The following ZNF469 variants were observed in gnomAD, a reference collection of about 807,000 sequenced individuals.
ZNF469 encodes the protein zinc finger protein 469.
In ZNF469, 1 loss-of-function variant was observed where a neutral mutation model predicts 1.0. The observed-to-expected ratio is 1.00, with a 90% CI of 0.35 to 4.73. The LOEUF is 4.73. Among genes scored for constraint, ZNF469 ranks in the 30% most tolerant of loss-of-function variants. ZNF469 has a pLI of 0.16. For missense variants in ZNF469, 6,100 were observed against 5,356.3 expected (o/e 1.14, Z -4.33); for synonymous variants, 2,703 against 2,363.4 (o/e 1.14, Z -4.17).
the ZNF469 span, among the ~76,000 whole-genome samples, chr16:88,116,174 G>T: frequency 6.6e-6 from 1 of 152,232 alleles, no homozygotes; most frequent in Non-Finnish European, 1.5e-5. Context: ...AGATGTGGGG[G>T]GTGCTCTTCC....
chr16:88,229,638 T>TGTGGATGTAACAC, the ZNF469 span, among the ~76,000 whole-genome samples: 20 of 133,164 alleles, frequency 1.5e-4, no homozygotes, highest in African/African-American at 3.6e-4. Context: ...GGATGTCACG[T>TGTGGATGTAACAC]GTGTGTGCTG....
the ZNF469 span, among the ~76,000 whole-genome samples, chr16:88,120,413 G>A: frequency 6.6e-6 from 1 of 152,260 alleles, no homozygotes; most frequent in Non-Finnish European, 1.5e-5. Flanking sequence ...TCGGGCCGGC[G>A]GGACGCATTA....
At chr16:88,195,573 C>T in the ZNF469 span, among the ~76,000 whole-genome samples, 61 of 152,072 alleles carry the variant, frequency 4.0e-4, no homozygotes, top group Non-Finnish European at 7.8e-4. Context: ...GAAAGTTGGA[C>T]GTGTCTTGGG....
the ZNF469 span, among the ~76,000 whole-genome samples, chr16:88,123,884 A>G: frequency 6.6e-6 from 1 of 151,876 alleles, no homozygotes; most frequent in African/African-American, 2.4e-5. Flanking sequence ...GCTAACTGCA[A>G]ACTCCGTCTC....
At chr16:88,124,283 G>A in the ZNF469 span, among the ~76,000 whole-genome samples, 5 of 152,148 alleles carry the variant, frequency 3.3e-5, no homozygotes, top group Admixed American at 6.5e-5. Context: ...ACCCAGGCTG[G>A]AGTGCAGTGG....
chr16:88,362,455 T>C, the ZNF469 span, among the ~76,000 whole-genome samples: 2 of 152,374 alleles, frequency 1.3e-5, no homozygotes, highest in East Asian at 3.9e-4. Flanking sequence ...GATGAAATTC[T>C]CTAGTTTGCT....
the ZNF469 span, among the ~76,000 whole-genome samples, chr16:88,154,552 C>A: frequency 6.6e-6 from 1 of 152,238 alleles, no homozygotes; most frequent in African/African-American, 2.4e-5. Flanking sequence ...CACTGTGTTT[C>A]CTGATTGAAG....
chr16:88,204,069 GGT>G, the ZNF469 span, among the ~76,000 whole-genome samples: 54 of 143,514 alleles, frequency 3.8e-4, 1 homozygote, highest in African/African-American at 1.4e-3. Context: ...AGCAGCGGGA[GGT>G]GCCCGGTAAC....
the ZNF469 span, among the ~76,000 whole-genome samples, chr16:88,307,364 A>C: frequency 5.3e-5 from 8 of 152,244 alleles, no homozygotes; most frequent in Admixed American, 2.6e-4. Context: ...AGCTACAAGC[A>C]GCATTGCTGG....
chr16:88,189,319 A>C, the ZNF469 span, among the ~76,000 whole-genome samples: 1 of 152,166 alleles, frequency 6.6e-6, no homozygotes, highest in Non-Finnish European at 1.5e-5. The surrounding 1 kb of genome is among the most constrained non-coding windows in gnomAD (Gnocchi z 4.3). Flanking sequence ...GAAGGGGAGC[A>C]AAGGTCTGAT....
At chr16:88,204,990 G>A in the ZNF469 span, among the ~76,000 whole-genome samples, 3 of 152,184 alleles carry the variant, frequency 2.0e-5, no homozygotes, top group African/African-American at 7.2e-5. Context: ...GATTTATAAT[G>A]TAAAAATCAG....
chr16:88,161,491 G>A, the ZNF469 span, among the ~76,000 whole-genome samples: 3 of 152,202 alleles, frequency 2.0e-5, no homozygotes, highest in Admixed American at 6.5e-5. Context: ...ATGAAAACAC[G>A]AAACAAACTT....
At chr16:88,250,253 A>C in the ZNF469 span, among the ~76,000 whole-genome samples, 1 of 152,162 alleles carries the variant, frequency 6.6e-6, no homozygotes, top group East Asian at 1.9e-4. Context: ...TTTCACCTCT[A>C]TCACCTTGAG....
the ZNF469 span, among the ~76,000 whole-genome samples, chr16:88,186,155 G>A: frequency 2.0e-5 from 3 of 152,176 alleles, no homozygotes; most frequent in African/African-American, 4.8e-5. Flanking sequence ...ATTCGACTGC[G>A]GGGGCGTCCA....
chr16:88,365,677 T>A, the ZNF469 span, among the ~76,000 whole-genome samples: 1 of 152,204 alleles, frequency 6.6e-6, no homozygotes. Flanking sequence ...CAGAGGGTCC[T>A]GACCAGGAGC....
the ZNF469 span, among the ~76,000 whole-genome samples, chr16:88,295,444 G>A: frequency 2.7e-5 from 4 of 147,390 alleles, no homozygotes; most frequent in Non-Finnish European, 6.0e-5. Context: ...CCCCCAGGAT[G>A]TGGCAGGGCT....
the ZNF469 span, among the ~76,000 whole-genome samples, chr16:88,375,571 C>T: frequency 6.6e-6 from 1 of 152,256 alleles, no homozygotes; most frequent in Non-Finnish European, 1.5e-5. Flanking sequence ...CCAGACATCG[C>T]CCCTGCCGGT....
chr16:88,249,429 C>CTTTTTT, the ZNF469 span, among the ~76,000 whole-genome samples: 25 of 63,610 alleles, frequency 3.9e-4, no homozygotes, highest in African/African-American at 1.9e-3. Flanking sequence ...TTTTCTTTTT[C>CTTTTTT]TTTTTTTTTT....
At chr16:88,231,596 C>G in the ZNF469 span, among the ~76,000 whole-genome samples, 1 of 152,148 alleles carries the variant, frequency 6.6e-6, no homozygotes, top group East Asian at 1.9e-4. The surrounding 1 kb of genome is among the most constrained non-coding windows in gnomAD (Gnocchi z 4.5). Flanking sequence ...CCTCTGAGGC[C>G]GTTGCACTCC....
Sources: gnomAD v4.1 joint callset for allele counts (sites outside exome capture counted in the v4.1 genomes callset) on GRCh38, gnomAD v4.1.1 for gene constraint, Gnocchi (gnomAD v3.1) non-coding constraint, MANE v1.5 for transcripts, NCBI Gene and HGNC (gene_info 2026-07-23, HGNC 2026-07-21) for gene names.